Variants in KCNJ16 observed in about 807,000 individuals in gnomAD.
The protein encoded by KCNJ16 is potassium inwardly rectifying channel subfamily J member 16.
In KCNJ16, 15 loss-of-function variants were observed where a neutral mutation model predicts 18.5. The observed-to-expected ratio is 0.81, with a 90% CI of 0.54 to 1.25. The LOEUF (loss-of-function observed/expected upper bound fraction) is 1.25. Among genes scored for constraint, KCNJ16 ranks in the 50% most tolerant of loss-of-function variants. The probability of loss-of-function intolerance (pLI) is 0.00; values close to 1 mark genes in which losing one functional copy is unlikely to be tolerated. For missense variants in KCNJ16, 523 were observed against 525.7 expected (o/e 0.99, Z 0.05); for synonymous variants, 174 against 186.5 (o/e 0.93, Z 0.55).
intron 2 of KCNJ16, among the ~76,000 whole-genome samples, chr17:70,112,084 T>C (rs1428235041): frequency 6.6e-6 from 1 of 152,190 alleles, no homozygotes; most frequent in Non-Finnish European, 1.5e-5. Context: ...CTTTGCTTGA[T>C]GGCACAGCAT....
intron 1 of KCNJ16, among the ~76,000 whole-genome samples, chr17:70,091,453 T>A (rs549303795): frequency 6.6e-6 from 1 of 152,164 alleles, no homozygotes; most frequent in Non-Finnish European, 1.5e-5. Context: ...ATAGTACGCA[T>A]TTACAGGGGT....
intron 1 of KCNJ16, among the ~76,000 whole-genome samples, chr17:70,096,243 T>A (rs1336836747): frequency 6.6e-6 from 1 of 152,100 alleles, no homozygotes; most frequent in African/African-American, 2.4e-5. Flanking sequence ...GTGTCCTGCA[T>A]ACAGTCTGAT....
At chr17:70,131,366 T>A in intron 3 of KCNJ16, 1 of 1,044,660 alleles carries the variant, frequency 9.6e-7, no homozygotes, top group Non-Finnish European at 1.2e-6. Context: ...AAAGGTGGAG[T>A]TAGGGGGAAA....
chr17:70,093,486 A>G (rs2072217802), intron 1 of KCNJ16, among the ~76,000 whole-genome samples: 1 of 152,132 alleles, frequency 6.6e-6, no homozygotes, highest in Non-Finnish European at 1.5e-5. Flanking sequence ...CACTCTAATG[A>G]CTTTATCATA....
intron 1 of KCNJ16, among the ~76,000 whole-genome samples, chr17:70,098,665 T>G (rs2072492647): frequency 6.6e-6 from 1 of 152,164 alleles, no homozygotes; most frequent in South Asian, 2.1e-4. Flanking sequence ...TTTCTAGCAC[T>G]GTCATCGAAG....
intron 1 of KCNJ16, among the ~76,000 whole-genome samples, chr17:70,086,095 G>C (rs903435175): frequency 6.6e-6 from 1 of 151,974 alleles, no homozygotes; most frequent in Admixed American, 6.6e-5. Flanking sequence ...GGTTTCTTTA[G>C]TTTAAAAAGT....
At chr17:70,093,159 C>G (rs1274435902) in intron 1 of KCNJ16, among the ~76,000 whole-genome samples, 1 of 152,184 alleles carries the variant, frequency 6.6e-6, no homozygotes, top group East Asian at 1.9e-4. Flanking sequence ...CTTTTGGACG[C>G]AAGTGTGGAT....
At chr17:70,096,841 T>C in intron 1 of KCNJ16, 1 of 397,516 alleles carries the variant, frequency 2.5e-6, no homozygotes, top group Non-Finnish European at 4.4e-6. Context: ...GCTAGTAACT[T>C]GGTCAGGGTT....
At position 70,129,897 on chromosome 17, in the gene KCNJ16, CTTTCATTTA is replaced by C. The variant is rs1462105076; in HGVS notation, c.-190-978_-190-970del. ...AACTGAATGCCATTTCAAATAAAAC[CTTTCATTTA>C]TTTATTTATTTATTTATTTATTTAT... On this transcript the variant is annotated intron_variant, in intron 2 of 3. Transcript: ENST00000392671. Among the ~76,000 whole-genome samples, 15 of 145,296 alleles carry C rather than the reference CTTTCATTTA, an allele frequency of 1.0e-4. No individual in the cohort carries two copies. In the Admixed American group the frequency reaches 1.1e-3, roughly 10 times the overall value.
chr17:70,076,261 A>G (rs1276991032), intron 1 of KCNJ16, among the ~76,000 whole-genome samples: 1 of 152,182 alleles, frequency 6.6e-6, no homozygotes, highest in Non-Finnish European at 1.5e-5. Context: ...TGAAGAAGAA[A>G]AAAATGTATG....
chr17:70,095,512 G>A (rs1009796300), intron 1 of KCNJ16, among the ~76,000 whole-genome samples: 4 of 152,106 alleles, frequency 2.6e-5, no homozygotes, highest in Admixed American at 1.3e-4. Flanking sequence ...TTTTGATCAG[G>A]GCAAACGTGA....
At chr17:70,094,177 G>A (rs6501370) in intron 1 of KCNJ16, among the ~76,000 whole-genome samples, 129,183 of 152,236 alleles carry the variant, frequency 0.85, 54,883 homozygotes, top group East Asian at 0.96. Context: ...AGAATTCACA[G>A]CCTAAAGAGA....
At chr17:70,129,738 C>G (rs1486024507) in intron 2 of KCNJ16, among the ~76,000 whole-genome samples, 1 of 152,148 alleles carries the variant, frequency 6.6e-6, no homozygotes, top group Non-Finnish European at 1.5e-5. Flanking sequence ...CATTATTCAA[C>G]AATACATTTT....
At chr17:70,127,749 A>G (rs984726304) in intron 2 of KCNJ16, among the ~76,000 whole-genome samples, 1 of 152,046 alleles carries the variant, frequency 6.6e-6, no homozygotes, top group Non-Finnish European at 1.5e-5. Context: ...TTCCACCAAA[A>G]CTTATCTCAT....
At chr17:70,120,246 CT>C (rs1362034586) in intron 2 of KCNJ16, among the ~76,000 whole-genome samples, 4 of 152,178 alleles carry the variant, frequency 2.6e-5, no homozygotes, top group Non-Finnish European at 5.9e-5. Flanking sequence ...TTCTGTATCA[CT>C]ATTGGCATTT....
chr17:70,087,802 A>C (rs565607153), intron 1 of KCNJ16, among the ~76,000 whole-genome samples: 11 of 152,274 alleles, frequency 7.2e-5, no homozygotes, highest in African/African-American at 2.6e-4. Context: ...TTCATGAGGA[A>C]TCAAATCAGA....
intron 2 of KCNJ16, among the ~76,000 whole-genome samples, chr17:70,117,731 A>G (rs1224910371): frequency 3.9e-5 from 6 of 152,226 alleles, no homozygotes; most frequent in African/African-American, 1.4e-4. Flanking sequence ...TCTTCAAAAT[A>G]TAATTAGTAA....
chr17:70,085,841 T>C (rs929944585), intron 1 of KCNJ16, among the ~76,000 whole-genome samples: 1 of 152,168 alleles, frequency 6.6e-6, no homozygotes, highest in Non-Finnish European at 1.5e-5. Flanking sequence ...GCATAAGAAT[T>C]TGTTATTTCC....
chr17:70,076,065 C>T (rs983464281), intron 1 of KCNJ16, among the ~76,000 whole-genome samples: 21 of 151,770 alleles, frequency 1.4e-4, no homozygotes, highest in African/African-American at 4.6e-4. Context: ...CTGGATGCCA[C>T]GAATTCTCTG....
Sources: gnomAD v4.1 joint callset for allele counts (sites outside exome capture counted in the v4.1 genomes callset) on GRCh38, gnomAD v4.1.1 for gene constraint, MANE v1.5 for transcripts, NCBI Gene and HGNC (gene_info 2026-07-23, HGNC 2026-07-21) for gene names.